The following SYN2 variants were observed in gnomAD, a reference collection of about 807,000 sequenced individuals.
SYN2 encodes synapsin II.
Under a neutral mutation model 50.9 loss-of-function variants are expected in SYN2, and 19 were observed. The ratio of observed to expected loss-of-function variants is 0.37; its 90% confidence interval spans 0.26 to 0.55. The LOEUF (loss-of-function observed/expected upper bound fraction) is 0.55. SYN2 is among the 20% of genes least tolerant of loss of function. The pLI is 0.81. For synonymous variants in SYN2, 255 were observed against 224.9 expected, an observed-to-expected ratio of 1.13 and a Z score of -1.20; for missense variants, 587 against 576.4, an observed-to-expected ratio of 1.02 and a Z score of -0.19.
intron 12 of SYN2, among the ~76,000 whole-genome samples, chr3:12,188,817 T>C (rs1305282876): frequency 6.6e-6 from 1 of 152,144 alleles, no homozygotes; most frequent in Non-Finnish European, 1.5e-5. Flanking sequence ...GCCCAGCTGT[T>C]TCCTGCCTGC....
At chr3:12,060,310 G>A (rs755132812) in intron 1 of SYN2, among the ~76,000 whole-genome samples, 2 of 152,140 alleles carry the variant, frequency 1.3e-5, no homozygotes, top group Non-Finnish European at 2.9e-5. Flanking sequence ...AAGAAAGGGA[G>A]AGTAACCATT....
chr3:12,166,701 A>C (rs1331276549), intron 7 of SYN2, among the ~76,000 whole-genome samples: 2 of 152,230 alleles, frequency 1.3e-5, no homozygotes. Context: ...TGAGTGAGTG[A>C]GCCAGTAAAG....
chr3:12,062,461 C>A (rs1574917308), intron 1 of SYN2, among the ~76,000 whole-genome samples: 2 of 151,970 alleles, frequency 1.3e-5, no homozygotes, highest in East Asian at 3.9e-4. Context: ...TTTTTAGATA[C>A]AGCACCAAAA....
At chr3:12,167,198 C>T in intron 7 of SYN2, 36 bp from the exon 8 acceptor site, 1 of 1,602,100 alleles carries the variant, frequency 6.2e-7, no homozygotes, top group Non-Finnish European at 8.5e-7. Context: ...TGGTGTGGCT[C>T]ACTGCCTGTC....
At chr3:12,082,742 A>T (rs1695609891) in intron 1 of SYN2, among the ~76,000 whole-genome samples, 1 of 152,134 alleles carries the variant, frequency 6.6e-6, no homozygotes, top group East Asian at 1.9e-4. Context: ...TTCTTTTTTT[A>T]AAAACTGTGT....
At chr3:12,156,190 T>C (rs1697451766) in intron 5 of SYN2, among the ~76,000 whole-genome samples, 1 of 152,246 alleles carries the variant, frequency 6.6e-6, no homozygotes, top group African/African-American at 2.4e-5. Flanking sequence ...CCTTGCTTTC[T>C]TTCTAAATAT....
chr3:12,178,308 C>T (rs750663824), intron 10 of SYN2, among the ~76,000 whole-genome samples: 1 of 152,214 alleles, frequency 6.6e-6, no homozygotes, highest in African/African-American at 2.4e-5. Flanking sequence ...CAGCTGGTCT[C>T]AGGCCAACAG....
At chr3:12,048,836 A>G (rs980510321) in intron 1 of SYN2, among the ~76,000 whole-genome samples, 1 of 152,206 alleles carries the variant, frequency 6.6e-6, no homozygotes, top group African/African-American at 2.4e-5. Context: ...AGTTTGTCCA[A>G]TTCTGGACCC....
At chr3:12,069,362 C>G (rs773113030) in intron 1 of SYN2, among the ~76,000 whole-genome samples, 1 of 152,080 alleles carries the variant, frequency 6.6e-6, no homozygotes, top group Non-Finnish European at 1.5e-5. Flanking sequence ...TGTTCTCCTG[C>G]CTCAGCCTCC....
intron 1 of SYN2, among the ~76,000 whole-genome samples, chr3:12,072,031 G>C (rs1695364617): frequency 6.6e-6 from 1 of 151,842 alleles, no homozygotes; most frequent in Non-Finnish European, 1.5e-5. Context: ...TGTTATGTGA[G>C]AACATTAGGC....
intron 10 of SYN2, among the ~76,000 whole-genome samples, chr3:12,181,026 C>T (rs1241767692): frequency 6.6e-6 from 1 of 152,216 alleles, no homozygotes; most frequent in Non-Finnish European, 1.5e-5. Context: ...TCTATGATGT[C>T]TTTGTCAGGT....
chr3:12,036,207 C>G (rs114125414), intron 1 of SYN2, among the ~76,000 whole-genome samples: 1 of 152,212 alleles, frequency 6.6e-6, no homozygotes, highest in South Asian at 2.1e-4. Context: ...AGTGGAGACT[C>G]TCTGTGGTGG....
Position 12,028,801 on chromosome 3 carries a change from G to A in SYN2, c.377+23873G>A, listed in dbSNP as rs879893290. Among the ~76,000 whole-genome samples, 1,102 of 147,266 alleles carry A rather than the reference G, an allele frequency of 7.5e-3. 10 individuals carry two copies. The highest frequency in any genetic ancestry group is 0.028 in the Middle Eastern group (8 of 288). ...GCCCTTTGTCAGATGAGTAGGTTGC[G>A]AAAATTTTCTTCCATGTTGTAGGTT... On this transcript the variant is annotated intron_variant, in intron 1 of 12. Transcript: ENST00000621198.
At chr3:12,169,322 G>A (rs897611577) in intron 9 of SYN2, among the ~76,000 whole-genome samples, 18 of 152,198 alleles carry the variant, frequency 1.2e-4, no homozygotes, top group African/African-American at 4.1e-4. Flanking sequence ...TGGTCATTTA[G>A]TGAGCAGAGA....
At position 12,183,529 on chromosome 3, in the gene SYN2, T is replaced by G. The variant is rs112134499; in HGVS notation, c.1369+157T>G. Reference sequence around the variant, plus strand: ...GGGAGGGGAAAACAGACCCTCCCACTGGTGCCGTTGCTGCGTTCTTTCAAT... The same window carrying G: ...GGGAGGGGAAAACAGACCCTCCCACGGGTGCCGTTGCTGCGTTCTTTCAAT... On this transcript the variant is annotated intron_variant, in intron 11 of 12. Transcript: ENST00000621198. 107 of 1,549,896 alleles carry G rather than the reference T, an allele frequency of 6.9e-5. No individual in the cohort carries two copies. In the African/African-American group the frequency reaches 1.4e-3, roughly 20 times the overall value.
intron 1 of SYN2, among the ~76,000 whole-genome samples, chr3:12,123,156 G>T (rs1007870924): frequency 7.6e-4 from 115 of 152,016 alleles, no homozygotes; most frequent in Admixed American, 1.3e-3. Flanking sequence ...TAGAAGGAAG[G>T]AATAGAGAGG....
intron 1 of SYN2, among the ~76,000 whole-genome samples, chr3:12,021,729 C>T (rs527944032): frequency 2.6e-5 from 4 of 152,098 alleles, no homozygotes; most frequent in Admixed American, 1.3e-4. Context: ...CTTGGGTGTT[C>T]GTTCCAACTT....
At chr3:12,077,301 TTTTTTTTAAAAAAAAATTATTTTTC>T in intron 1 of SYN2, among the ~76,000 whole-genome samples, 1 of 149,524 alleles carries the variant, frequency 6.7e-6, no homozygotes, top group South Asian at 2.1e-4. Flanking sequence ...TTTTTTTCCT[TTTTTTTTAAAAAAAAATTATTTTTC>T]TTTTAAGTTC....
intron 1 of SYN2, among the ~76,000 whole-genome samples, chr3:12,138,944 A>G (rs1354796452): frequency 1.3e-5 from 2 of 152,208 alleles, no homozygotes; most frequent in Non-Finnish European, 2.9e-5. Context: ...ACTAGACTCT[A>G]TTAGTTAAAC....
Sources: allele counts gnomAD v4.1 joint callset (sites outside exome capture counted in the v4.1 genomes callset), GRCh38; gene constraint gnomAD v4.1.1; transcripts MANE v1.5; gene names NCBI Gene and HGNC (gene_info 2026-07-23, HGNC 2026-07-21).